Variants in UBE3B observed in about 807,000 individuals in gnomAD.
UBE3B encodes the protein ubiquitin protein ligase E3B, also known as ubiquitin-protein ligase E3B.
In UBE3B, 80 loss-of-function variants were observed where a neutral mutation model predicts 132.3. The observed-to-expected ratio is 0.60, with a 90% CI of 0.50 to 0.73. The LOEUF is 0.73. Ranked by LOEUF, UBE3B falls within the 30% of genes least tolerant of loss-of-function variation. The pLI, the probability that UBE3B is intolerant of heterozygous loss-of-function variation, is 0.00. For synonymous variants in UBE3B, 487 were observed against 520.4 expected (o/e 0.94, Z 0.87); for missense variants, 1,196 against 1,362.5 (o/e 0.88, Z 1.92).
At chr12:109,496,851 AGT>A (rs1878269040) in intron 9 of UBE3B, among the ~76,000 whole-genome samples, 1 of 152,136 alleles carries the variant, frequency 6.6e-6, no homozygotes, top group African/African-American at 2.4e-5. Context: ...CTTTCTTGAT[AGT>A]GTCTTTTGAA....
At position 109,535,121 on chromosome 12, in the gene UBE3B, T is replaced by G; in HGVS notation, c.*339T>G. Reference sequence around the variant, plus strand: ...TCCTTAGCCGTCTGAGTGAGCTGTGTATGAACAAGTCCCAGGAGTTCCAAG... The same window carrying G: ...TCCTTAGCCGTCTGAGTGAGCTGTGGATGAACAAGTCCCAGGAGTTCCAAG... On this transcript the variant is annotated 3_prime_UTR_variant, in exon 28 of 28. Transcript: ENST00000342494. The G allele has an allele frequency of 9.6e-6, 2 of 208,604 alleles. No homozygotes were observed. Among genetic ancestry groups the G allele is most frequent in the Non-Finnish European group, 1.9e-5 (2 of 105,612 alleles). The allele number at this position is 208,604 out of a possible 1,614,324, so 12.9% of individuals were successfully genotyped here.
At chr12:109,531,823 C>A (rs986220029) in intron 26 of UBE3B, among the ~76,000 whole-genome samples, 1 of 152,086 alleles carries the variant, frequency 6.6e-6, no homozygotes, top group African/African-American at 2.4e-5. Context: ...AAACGGCTCA[C>A]GCTGGCCCCT....
At chr12:109,481,134 C>T (rs1333562468) in intron 1 of UBE3B, among the ~76,000 whole-genome samples, 1 of 151,170 alleles carries the variant, frequency 6.6e-6, no homozygotes, top group Non-Finnish European at 1.5e-5. Context: ...TCAAACATGG[C>T]CGGGCACAGT....
chr12:109,547,009 C>T, the UBE3B span, among the ~76,000 whole-genome samples: 7 of 152,214 alleles, frequency 4.6e-5, no homozygotes, highest in East Asian at 1.2e-3. This position sits in a 1 kb window ranked among gnomAD's most constrained non-coding sequence, Gnocchi z 4.1. Context: ...CACACCCAGC[C>T]GGATTCAGAG....
intron 18 of UBE3B, among the ~76,000 whole-genome samples, chr12:109,513,869 C>G (rs1880661413): frequency 6.6e-6 from 1 of 152,080 alleles, no homozygotes; most frequent in Non-Finnish European, 1.5e-5. Context: ...GATGGGCTGT[C>G]TTGTTGCCCC....
intron 18 of UBE3B, among the ~76,000 whole-genome samples, chr12:109,513,533 C>G (rs550543472): frequency 6.6e-6 from 1 of 152,294 alleles, no homozygotes; most frequent in East Asian, 1.9e-4. Context: ...TGGGACCTAA[C>G]TACCTAGTAA....
intron 18 of UBE3B, among the ~76,000 whole-genome samples, chr12:109,514,805 G>A (rs1457947269): frequency 1.3e-5 from 2 of 151,898 alleles, no homozygotes; most frequent in Non-Finnish European, 2.9e-5. Flanking sequence ...AGGGCTTTTG[G>A]TTCTACTCAG....
intron 17 of UBE3B, 139 bp from the exon 18 acceptor site, chr12:109,511,065 A>G: frequency 4.3e-6 from 3 of 697,720 alleles, no homozygotes; most frequent in Non-Finnish European, 7.4e-6. Context: ...TGTATGAATG[A>G]GTATGGTCAT....
chr12:109,521,477 A>G lies in UBE3B; in HGVS notation c.2290A>G (p.Thr764Ala). 1 of 1,598,432 alleles carries G rather than the reference A, an allele frequency of 6.3e-7. No individual in the cohort carries two copies. The highest frequency in any genetic ancestry group is 1.1e-5 in the South Asian group (1 of 89,566). Residue 764 changes from threonine to alanine, a missense_variant, in exon 21 of 28, where the codon ACA becomes GCA. Physicochemically the swap from Thr to Ala is moderately conservative, Grantham distance 58. Transcript: ENST00000342494. The surrounding 1 kb of genome is among the most constrained non-coding windows in gnomAD (Gnocchi z 4.2). ...GGATGAGAGGCTGTACCCCTCACCC[A>G]CATCCTACATCCATGAGAATTACCT... ...SGDERLYPSPTSYIHENYLQL... is the reference protein window; with the variant it reads ...SGDERLYPSPASYIHENYLQL...
Position 109,534,139 on chromosome 12 carries a change from G to A in UBE3B, c.3016-452G>A, listed in dbSNP as rs1883236447. 1 of 1,292,166 alleles carries A rather than the reference G, an allele frequency of 7.7e-7. No homozygotes were observed. Among genetic ancestry groups the A allele is most frequent in the African/African-American group, 1.5e-5 (1 of 66,138 alleles). 80.0% of individuals were successfully genotyped at this position (1,292,166 alleles called of 1,614,324 possible). A position where few individuals can be genotyped will look rare whatever the true frequency, so the allele number is the denominator to read the frequency against. On this transcript the variant is annotated intron_variant, in intron 27 of 27. Transcript: ENST00000342494. The surrounding 1 kb of genome is among the most constrained non-coding windows in gnomAD (Gnocchi z 5.2). Reference sequence around the variant, plus strand: ...CTCTCATGATGCAGTTTGAGCCCGTGATGCCACCTTGTACAGGAAGCTACA... The same window carrying A: ...CTCTCATGATGCAGTTTGAGCCCGTAATGCCACCTTGTACAGGAAGCTACA...
In UBE3B at chr12:109,534,943, G is replaced by A. The variant is rs1046501102; in HGVS notation, c.*161G>A. 17 of 503,956 alleles carry A rather than the reference G, an allele frequency of 3.4e-5. No homozygotes were observed. Among genetic ancestry groups the A allele is most frequent in the South Asian group, 3.1e-4 (7 of 22,944 alleles). 31.2% of individuals were successfully genotyped at this position (503,956 alleles called of 1,614,324 possible). A position where few individuals can be genotyped will look rare whatever the true frequency, so the allele number is the denominator to read the frequency against. Reference sequence around the variant, plus strand: ...CCTTGTGGCCTCAAGAAATTTAGACGCCCACGACAGCACTACACAGCATCT... The same window carrying A: ...CCTTGTGGCCTCAAGAAATTTAGACACCCACGACAGCACTACACAGCATCT... On this transcript the variant is annotated 3_prime_UTR_variant, in exon 28 of 28. Transcript: ENST00000342494. The surrounding 1 kb of genome is among the most constrained non-coding windows in gnomAD (Gnocchi z 5.2).
chr12:109,480,184 G>A (rs904614246), intron 1 of UBE3B, among the ~76,000 whole-genome samples: 1 of 151,064 alleles, frequency 6.6e-6, no homozygotes, highest in Non-Finnish European at 1.5e-5. Context: ...AGCCTCTGCT[G>A]AAGAGTTTTT....
chr12:109,516,717 C>T lies in UBE3B; in HGVS notation c.1957-48C>T, dbSNP rs778484611. 1.2e-5 allele frequency: 19 copies of T among 1,594,036 alleles called. No individual in the cohort carries two copies. In the Admixed American group the frequency reaches 2.7e-4, roughly 23 times the overall value. On this transcript the variant is annotated intron_variant, in intron 18 of 27. Coordinates refer to ENST00000342494, the MANE Select transcript of UBE3B (RefSeq NM_130466.4). ...TTTTTGCAGAGTGTTTTTATGGAAT[C>T]GTCAGTTTGCTGACCCTGTTTTCTG...
rs1876368521 is a variant in UBE3B at position 109,486,040 on chromosome 12, T to A, written c.311T>A (p.Leu104Gln). The A allele has an allele frequency of 6.4e-7, 1 of 1,555,284 alleles. No individual in the cohort carries two copies. The highest frequency in any genetic ancestry group is 8.7e-7 in the Non-Finnish European group (1 of 1,148,792). The change falls in exon 5 of 28, where the codon CTG (leucine) becomes CAG (glutamine). Residue 104 changes from leucine to glutamine, a missense_variant. Transcript: ENST00000342494. Reference protein sequence around the residue: ...ERFEKLCRSILSSMDAENEPK... With the variant: ...ERFEKLCRSIQSSMDAENEPK... Reference sequence around the variant, plus strand: ...TTTGAGAAGTTGTGTCGCAGCATCCTGAGCAGCATGGATGCTGAGAATGAG... The same window carrying A: ...TTTGAGAAGTTGTGTCGCAGCATCCAGAGCAGCATGGATGCTGAGAATGAG...
At position 109,534,543 on chromosome 12, in the gene UBE3B, T is replaced by C. The variant is rs1454203577; in HGVS notation, c.3016-48T>C. On this transcript the variant is annotated intron_variant, in intron 27 of 27. Transcript: ENST00000342494. This position sits in a 1 kb window ranked among gnomAD's most constrained non-coding sequence, Gnocchi z 5.2. ...CCCTGGCCTTGGCATCAGCCTGGGCTCCCAAACTAGGCCCTTCCCAATTCA... is the reference window on the plus strand; with the variant it reads ...CCCTGGCCTTGGCATCAGCCTGGGCCCCCAAACTAGGCCCTTCCCAATTCA... 1 of 1,556,890 alleles carries C rather than the reference T, an allele frequency of 6.4e-7. No individual in the cohort carries two copies. Among genetic ancestry groups the C allele is most frequent in the South Asian group, 1.2e-5 (1 of 82,058 alleles).
chr12:109,517,977 G>A, intron 19 of UBE3B: 1 of 448,932 alleles, frequency 2.2e-6, no homozygotes. Context: ...GGAAGGCAGT[G>A]TGTGCTGAAC....
intron 14 of UBE3B, among the ~76,000 whole-genome samples, chr12:109,506,833 T>G (rs934767154): frequency 1.4e-4 from 21 of 152,382 alleles, no homozygotes; most frequent in African/African-American, 4.6e-4. Context: ...TTAGGACTAT[T>G]CAGTATTTTT....
chr12:109,521,004 A>G lies in UBE3B; in HGVS notation c.2077-144A>G. ...CAGCACTCATTCAAAAGCAGGTGAG[A>G]ACGGCTCCTGTCATGCATCCACGTT... On this transcript the variant is annotated intron_variant, in intron 19 of 27. Transcript: ENST00000342494. The surrounding 1 kb of genome is among the most constrained non-coding windows in gnomAD (Gnocchi z 4.2). 2.3e-6 allele frequency: 2 copies of G among 859,182 alleles called. No individual in the cohort carries two copies. The highest frequency in any genetic ancestry group is 3.5e-6 in the Non-Finnish European group (2 of 563,936). The allele number at this position is 859,182 out of a possible 1,614,324, so 53.2% of individuals were successfully genotyped here.
intron 23 of UBE3B, among the ~76,000 whole-genome samples, chr12:109,524,942 C>T (rs754089343): frequency 1.5e-4 from 23 of 151,968 alleles, no homozygotes; most frequent in Non-Finnish European, 2.9e-4. Context: ...GGCCGCAGCA[C>T]GTCTCCTCCC....
Sources: gnomAD v4.1 joint callset for allele counts (sites outside exome capture counted in the v4.1 genomes callset) on GRCh38, gnomAD v4.1.1 for gene constraint, Gnocchi (gnomAD v3.1) non-coding constraint, MANE v1.5 for transcripts, NCBI Gene and HGNC (gene_info 2026-07-23, HGNC 2026-07-21) for gene names.